Variants in FAM135A observed in about 807,000 individuals in gnomAD.
The protein encoded by FAM135A is family with sequence similarity 135 member A.
A neutral mutation model predicts 146.8 loss-of-function variants in FAM135A; 79 were observed. The ratio of observed to expected loss-of-function variants is 0.54; its 90% CI spans 0.45 to 0.65. The LOEUF is 0.65. FAM135A is among the 30% of genes least tolerant of loss of function. The pLI is 0.00. For missense variants in FAM135A, 1,623 were observed against 1,758.2 expected (o/e 0.92, Z 1.38); for synonymous variants, 562 against 603.6 (o/e 0.93, Z 1.01).
chr6:70,536,934 ATTTTT>A (rs780326510), intron 19 of FAM135A, among the ~76,000 whole-genome samples: 1 of 128,930 alleles, frequency 7.8e-6, no homozygotes, highest in African/African-American at 2.8e-5. Context: ...TGGTACTTTG[ATTTTT>A]TTTTTTTTTT....
chr6:70,474,405 A>G (rs952889173), intron 5 of FAM135A, among the ~76,000 whole-genome samples: 1 of 152,184 alleles, frequency 6.6e-6, no homozygotes, highest in Non-Finnish European at 1.5e-5. Flanking sequence ...TGGTAAGGAC[A>G]TAGTCCTCCA....
intron 20 of FAM135A, among the ~76,000 whole-genome samples, chr6:70,540,927 A>G (rs939378881): frequency 6.6e-6 from 1 of 152,062 alleles, no homozygotes; most frequent in East Asian, 1.9e-4. Context: ...CTTTCCTCAA[A>G]CATCAGGTTT....
intron 11 of FAM135A, among the ~76,000 whole-genome samples, chr6:70,493,503 A>G (rs1786518993): frequency 6.6e-6 from 1 of 152,334 alleles, no homozygotes; most frequent in South Asian, 2.1e-4. Context: ...TTTAACATCA[A>G]CAACCTATAA....
In FAM135A at chr6:70,524,128, G is replaced by A. The variant is rs1435380644; in HGVS notation, c.1258+7G>A. 6.2e-7 allele frequency: 1 copy of A among 1,601,998 alleles called. No individual in the cohort carries two copies. The highest frequency in any genetic ancestry group is 8.5e-7 in the Non-Finnish European group (1 of 1,172,660). On this transcript the variant is annotated splice_region_variant and intron_variant, in intron 14 of 21. Transcript: ENST00000418814. ...TTAGATTCAGTTACTGAAGGTAAGT[G>A]TAATCTAACTAAAATATACAAGCTA...
intron 9 of FAM135A, 111 bp downstream of exon 9, chr6:70,481,138 T>G: frequency 1.0e-6 from 1 of 991,866 alleles, no homozygotes; most frequent in Non-Finnish European, 1.4e-6. Flanking sequence ...GCTCAGCAAC[T>G]TATAGATCTA....
chr6:70,505,451 G>A (rs1789549950), intron 12 of FAM135A, among the ~76,000 whole-genome samples: 1 of 151,862 alleles, frequency 6.6e-6, no homozygotes, highest in Non-Finnish European at 1.5e-5. Context: ...TGGCCAGTAA[G>A]TTTGTGAACT....
At chr6:70,451,620 C>G (rs1777101672) in intron 4 of FAM135A, among the ~76,000 whole-genome samples, 1 of 152,082 alleles carries the variant, frequency 6.6e-6, no homozygotes, top group Non-Finnish European at 1.5e-5. Flanking sequence ...ATGCTATATC[C>G]TTTCCAAGAT....
In FAM135A at chr6:70,559,791, A is replaced by G; in HGVS notation, c.4418A>G (p.Tyr1473Cys). 3 of 1,614,154 alleles carry G rather than the reference A, an allele frequency of 1.9e-6. No homozygotes were observed. Among genetic ancestry groups the G allele is most frequent in the African/African-American group, 1.3e-5 (1 of 75,062 alleles). Reference sequence around the variant, plus strand: ...AGCAAGGACTGTAATTTGGTTCGCTATAATGTCATCAATGCATTGCCCAAT... The same window carrying G: ...AGCAAGGACTGTAATTTGGTTCGCTGTAATGTCATCAATGCATTGCCCAAT... ...LQSKDCNLVR[Y>C]NVINALPNTA... is the part of the protein sequence containing the mutation. Residue 1473 changes from tyrosine (Y) to cysteine (C), a missense_variant, in exon 22 of 22, where the codon TAT becomes TGT. Tyr to Cys is a radical substitution (Grantham distance 194). Around this residue, in one of 7 missense-constraint regions of FAM135A, gnomAD observed 138 missense variants for 174.1 expected, o/e 0.79. Coordinates refer to ENST00000418814, the MANE Select transcript of FAM135A (RefSeq NM_001162529.3).
intron 1 of FAM135A, chr6:70,413,996 G>A (rs1317763884): frequency 2.0e-6 from 2 of 985,572 alleles, no homozygotes; most frequent in Admixed American, 6.1e-5. Context: ...CGTTCTTCCT[G>A]AACCTCGCGC....
chr6:70,544,310 A>C (rs1284750732), intron 20 of FAM135A, among the ~76,000 whole-genome samples: 1 of 151,996 alleles, frequency 6.6e-6, no homozygotes, highest in Non-Finnish European at 1.5e-5. Flanking sequence ...AGGCTGAGGC[A>C]GGCAGATCAC....
intron 12 of FAM135A, among the ~76,000 whole-genome samples, chr6:70,521,595 G>T (rs1793592023): frequency 6.6e-6 from 1 of 152,082 alleles, no homozygotes; most frequent in Admixed American, 6.5e-5. Context: ...AGTAAAATAG[G>T]TCTCTAATTT....
intron 12 of FAM135A, among the ~76,000 whole-genome samples, chr6:70,517,879 TC>T (rs1792655378): frequency 6.6e-6 from 1 of 152,186 alleles, no homozygotes; most frequent in South Asian, 2.1e-4. Flanking sequence ...CAACTAGCAT[TC>T]CCTTCATCTC....
chr6:70,418,561 C>T (rs1326593425), intron 2 of FAM135A: 2 of 152,322 alleles, frequency 1.3e-5, no homozygotes, highest in African/African-American at 2.4e-5. Flanking sequence ...AACTCCTGAC[C>T]GCAGGTGATC....
At chr6:70,522,381 G>A in intron 12 of FAM135A, 132 bp from the exon 13 acceptor site, 1 of 701,192 alleles carries the variant, frequency 1.4e-6, no homozygotes, top group South Asian at 1.8e-5. Flanking sequence ...ACTGAAGAGG[G>A]AGAAGGGAAG....
chr6:70,514,305 T>C (rs1196223063), intron 12 of FAM135A, among the ~76,000 whole-genome samples: 5 of 152,174 alleles, frequency 3.3e-5, no homozygotes, highest in African/African-American at 4.8e-5. Context: ...TCAGATATTA[T>C]ATATTTTACT....
intron 5 of FAM135A, among the ~76,000 whole-genome samples, chr6:70,457,386 C>CT (rs1428796958): frequency 6.6e-6 from 1 of 152,176 alleles, no homozygotes; most frequent in African/African-American, 2.4e-5. Flanking sequence ...ATCATTCCGC[C>CT]TTTATTAGGT....
chr6:70,431,226 C>T (rs186836522), intron 4 of FAM135A, among the ~76,000 whole-genome samples: 5 of 152,264 alleles, frequency 3.3e-5, no homozygotes, highest in South Asian at 2.1e-4. Context: ...AACACAAAGA[C>T]TCAATGGCAT....
At position 70,441,352 on chromosome 6, in the gene FAM135A, C is replaced by T. The variant is rs150666240; in HGVS notation, c.78-11140C>T. On this transcript the variant is annotated intron_variant, in intron 4 of 21. Coordinates refer to ENST00000418814, the MANE Select transcript of FAM135A (RefSeq NM_001162529.3). ...GCTGTAAGCTGAGATGGCGCTACTG[C>T]ACTCCAGTCTGGGCAACAGAGTGAA... 4.5e-3 allele frequency among the ~76,000 whole-genome samples: 688 copies of T among 152,198 alleles called. 3 individuals are homozygous for T. The highest frequency in any genetic ancestry group is 8.6e-3 in the Non-Finnish European group (587 of 68,022).
intron 5 of FAM135A, among the ~76,000 whole-genome samples, chr6:70,472,762 AT>A (rs1582378518): frequency 6.6e-6 from 1 of 152,082 alleles, no homozygotes; most frequent in East Asian, 1.9e-4. Flanking sequence ...CAAACCTGTT[AT>A]TTTTTAGAGT....
Sources: gnomAD v4.1 joint callset for allele counts (sites outside exome capture counted in the v4.1 genomes callset) on GRCh38, gnomAD v4.1.1 for gene constraint, gnomAD v4.1.1 regional missense constraint, MANE v1.5 for transcripts, NCBI Gene and HGNC (gene_info 2026-07-23, HGNC 2026-07-21) for gene names.